SOX6: variants seen among roughly 807,000 people sequenced by gnomAD.
SOX6 encodes SRY-box transcription factor 6, also known as transcription factor SOX-6.
A neutral mutation model predicts 97.8 loss-of-function variants in SOX6; 11 were observed. That is an observed-to-expected ratio of 0.11 (90% CI 0.07 to 0.19). SOX6 has a LOEUF of 0.19. Ranked by LOEUF, SOX6 falls within the 10% of genes least tolerant of loss-of-function variation. The pLI is 1.00. For synonymous variants in SOX6, 360 were observed against 371.4 expected, an observed-to-expected ratio of 0.97 and a Z score of 0.35; for missense variants, 810 against 1,039.5, an observed-to-expected ratio of 0.78 and a Z score of 3.04.
At chr11:16,733,316 T>C (rs1222451268) in intron 2 of SOX6, among the ~76,000 whole-genome samples, 1 of 152,122 alleles carries the variant, frequency 6.6e-6, no homozygotes, top group East Asian at 1.9e-4. Flanking sequence ...AGCAAAGACT[T>C]GGAACCAACC....
At chr11:16,394,286 A>G (rs1858277517) in intron 1 of SOX6, among the ~76,000 whole-genome samples, 1 of 152,014 alleles carries the variant, frequency 6.6e-6, no homozygotes, top group African/African-American at 2.4e-5. Flanking sequence ...TTCACTTGAA[A>G]GTATACCATG....
chr11:16,133,062 T>A (rs74823667), intron 6 of SOX6, among the ~76,000 whole-genome samples: 3 of 152,032 alleles, frequency 2.0e-5, no homozygotes, highest in Non-Finnish European at 4.4e-5. Context: ...TAAAAAAAAA[T>A]GGCCTAATTT....
chr11:16,495,555 C>A (rs1469243034), intron 4 of SOX6, among the ~76,000 whole-genome samples: 2 of 152,196 alleles, frequency 1.3e-5, no homozygotes, highest in Non-Finnish European at 2.9e-5. Context: ...AGCTGGCACC[C>A]ACCCCCATGT....
At chr11:16,259,532 G>T (rs1166582125) in intron 3 of SOX6, among the ~76,000 whole-genome samples, 2 of 152,090 alleles carry the variant, frequency 1.3e-5, no homozygotes, top group African/African-American at 4.8e-5. Flanking sequence ...AATTTATTGT[G>T]AAGCTACAGT....
At chr11:16,212,906 G>A (rs1172000225) in intron 4 of SOX6, among the ~76,000 whole-genome samples, 1 of 152,068 alleles carries the variant, frequency 6.6e-6, no homozygotes, top group African/African-American at 2.4e-5. Context: ...GATGTTAAAG[G>A]CCAGGTCTGT....
intron 4 of SOX6, among the ~76,000 whole-genome samples, chr11:16,535,737 T>C (rs1420121026): frequency 2.0e-5 from 3 of 152,192 alleles, no homozygotes; most frequent in Admixed American, 6.6e-5. Context: ...ATTTTTATTT[T>C]CCATAAATGC....
chr11:16,209,911 G>A (rs533192688), intron 4 of SOX6, among the ~76,000 whole-genome samples: 33 of 152,020 alleles, frequency 2.2e-4, no homozygotes, highest in Non-Finnish European at 4.3e-4. Context: ...TGCTTTTTCT[G>A]AGCCTTAGTT....
At chr11:16,101,190 G>C (rs371502354) in intron 7 of SOX6, among the ~76,000 whole-genome samples, 3 of 151,706 alleles carry the variant, frequency 2.0e-5, no homozygotes, top group South Asian at 4.1e-4. Flanking sequence ...ATCTTGCCTG[G>C]ATGCACGCAT....
chr11:16,128,481 A>G (rs1349527185), intron 6 of SOX6, among the ~76,000 whole-genome samples: 1 of 152,314 alleles, frequency 6.6e-6, no homozygotes, highest in South Asian at 2.1e-4. Flanking sequence ...GGCTTATAAT[A>G]AAAGTAAGGC....
intron 1 of SOX6, among the ~76,000 whole-genome samples, chr11:16,350,399 G>A (rs1048541961): frequency 1.3e-5 from 2 of 152,014 alleles, no homozygotes; most frequent in South Asian, 4.2e-4. Flanking sequence ...GAAGTGTCTG[G>A]GTGTAAGAAA....
chr11:16,157,488 C>G (rs1850633699), intron 6 of SOX6, among the ~76,000 whole-genome samples: 1 of 151,964 alleles, frequency 6.6e-6, no homozygotes, highest in Non-Finnish European at 1.5e-5. Context: ...GATTATCATC[C>G]TGTATTTACA....
In SOX6 at chr11:16,132,424, AG is replaced by A. The variant is rs1259993507; in HGVS notation, c.778-20502del. 2.0e-4 allele frequency among the ~76,000 whole-genome samples: 22 copies of A among 108,868 alleles called. No homozygotes were observed. In the East Asian group the frequency reaches 2.2e-3, roughly 11 times the overall value. The allele number at this position is 108,868 out of a possible 152,430, so 71.4% of individuals were successfully genotyped here. On this transcript the variant is annotated intron_variant, in intron 6 of 15. Coordinates refer to ENST00000683767, the MANE Select transcript of SOX6 (RefSeq NM_001367873.1). ...AAAAAAGAAAGAAAGAAAGAAAGAA[AG>A]AAAGAAAGAAAGAAAGAAAAAAGAA... is the stretch of plus-strand genomic sequence containing the variant.
chr11:16,342,461 G>A (rs1192274193), intron 1 of SOX6, among the ~76,000 whole-genome samples: 2 of 151,720 alleles, frequency 1.3e-5, no homozygotes, highest in Non-Finnish European at 2.9e-5. Context: ...GTTAACATAG[G>A]AAACCACATG....
At chr11:16,473,042 T>A (rs7948110) in intron 1 of SOX6, among the ~76,000 whole-genome samples, 33,403 of 152,182 alleles carry the variant, frequency 0.22, 4,175 homozygotes, top group East Asian at 0.51. Flanking sequence ...AGCACTTCTA[T>A]ATAATATATA....
chr11:16,348,043 G>GGGAGGGGAAGA (rs1201609632), intron 1 of SOX6, among the ~76,000 whole-genome samples: 1 of 151,862 alleles, frequency 6.6e-6, no homozygotes, highest in African/African-American at 2.4e-5. Flanking sequence ...AGAGTAGAAA[G>GGGAGGGGAAGA]GGAGGGGAAG....
At chr11:16,639,589 G>A (rs11024004) in intron 3 of SOX6, among the ~76,000 whole-genome samples, 40,703 of 151,900 alleles carry the variant, frequency 0.27, 6,204 homozygotes, top group East Asian at 0.53. Flanking sequence ...CTTTTATTTC[G>A]TTGAGCAGTA....
rs141029375 is a variant in SOX6 at position 16,327,095 on chromosome 11, C to G, written c.238-8442G>C. Among the ~76,000 whole-genome samples, 5 of 152,286 alleles carry G rather than the reference C, an allele frequency of 3.3e-5. No homozygotes were observed. In the East Asian group the frequency reaches 9.7e-4, roughly 29 times the overall value. On this transcript the variant is annotated intron_variant, in intron 2 of 15. Transcript: ENST00000683767. ...ATGAAAGCTATACCACTGTTTCTAACTTAGCCTGGGAAATCACGCTGTATA... is the reference window on the plus strand; with the variant it reads ...ATGAAAGCTATACCACTGTTTCTAAGTTAGCCTGGGAAATCACGCTGTATA...
At chr11:16,177,892 CAG>C (rs976090720) in intron 6 of SOX6, among the ~76,000 whole-genome samples, 6 of 151,912 alleles carry the variant, frequency 3.9e-5, no homozygotes, top group African/African-American at 1.4e-4. Flanking sequence ...CGGAAAGAAG[CAG>C]AGACTGGTTT....
chr11:16,356,167 GCATAACACCTTTGA>G lies in SOX6; in HGVS notation c.-92_-79del, dbSNP rs1324013235. Among the ~76,000 whole-genome samples, 1 of 150,424 alleles carries G rather than the reference GCATAACACCTTTGA, an allele frequency of 6.6e-6. No individual in the cohort carries two copies. Among genetic ancestry groups the G allele is most frequent in the Non-Finnish European group, 1.5e-5 (1 of 67,724 alleles). ...TCAGCCAGAACTTCAGAACTTGAGGGCATAACACCTTTGACACCTTCCCAAATCACAAGAAACCT... is the reference window on the plus strand; with the variant it reads ...TCAGCCAGAACTTCAGAACTTGAGGGCACCTTCCCAAATCACAAGAAACCT... On this transcript the variant is annotated 5_prime_UTR_variant, in exon 1 of 16. The change abolishes an upstream ATG in the 5' untranslated region. Coordinates refer to ENST00000683767, the MANE Select transcript of SOX6 (RefSeq NM_001367873.1).
Sources: allele counts gnomAD v4.1 joint callset (sites outside exome capture counted in the v4.1 genomes callset), GRCh38; gene constraint gnomAD v4.1.1; transcripts MANE v1.5; gene names NCBI Gene and HGNC (gene_info 2026-07-23, HGNC 2026-07-21).